Variants in CAPZA2 observed in about 807,000 individuals in gnomAD.
CAPZA2 encodes the protein capping actin protein of muscle Z-line subunit alpha 2.
In CAPZA2, 13 loss-of-function variants were observed where a neutral mutation model predicts 44.0. The observed-to-expected ratio is 0.30, with a 90% confidence interval of 0.19 to 0.47. The LOEUF (loss-of-function observed/expected upper bound fraction) is 0.47, where lower values mean the gene tolerates loss of function less well. Among genes scored for constraint, CAPZA2 ranks in the 20% least tolerant of loss-of-function variants. The pLI is 1.00. For missense variants in CAPZA2, 244 were observed against 338.6 expected, an observed-to-expected ratio of 0.72 and a Z score of 2.19; for synonymous variants, 94 against 108.2, an observed-to-expected ratio of 0.87 and a Z score of 0.81.
At chr7:116,881,437 A>G (rs1333234942) in intron 1 of CAPZA2, among the ~76,000 whole-genome samples, 1 of 152,166 alleles carries the variant, frequency 6.6e-6, no homozygotes, top group Non-Finnish European at 1.5e-5. Flanking sequence ...ATTCTTTTAC[A>G]AAACTACAGT....
At chr7:116,909,292 A>AT (rs1426228592) in intron 6 of CAPZA2, among the ~76,000 whole-genome samples, 1 of 152,168 alleles carries the variant, frequency 6.6e-6, no homozygotes, top group African/African-American at 2.4e-5. Context: ...AAAAGCTAAC[A>AT]TATTAGAATG....
chr7:116,916,165 A>G, intron 9 of CAPZA2, 43 bp downstream of exon 9: 3 of 1,458,458 alleles, frequency 2.1e-6, no homozygotes, highest in Middle Eastern at 3.8e-4. Flanking sequence ...TCACATATGA[A>G]TTAATGTCAC....
intron 1 of CAPZA2, among the ~76,000 whole-genome samples, chr7:116,866,224 C>T (rs1298386951): frequency 1.4e-5 from 2 of 145,876 alleles, no homozygotes; most frequent in African/African-American, 5.1e-5. Context: ...CTCGCTCTTT[C>T]ACCCAGGCGG....
intron 1 of CAPZA2, among the ~76,000 whole-genome samples, chr7:116,878,168 A>T (rs1217169290): frequency 6.6e-6 from 1 of 152,164 alleles, no homozygotes; most frequent in Non-Finnish European, 1.5e-5. Flanking sequence ...AAAGGATAGG[A>T]TCTTTGTCTT....
Position 116,918,443 on chromosome 7 carries a change from A to T in CAPZA2, c.*576A>T, listed in dbSNP as rs1391624675. ...TTTAGCTAGCTTAGTGTTGAACTAA[A>T]TTTTTTTTAAACAAGGCAAGGTCTA... is the stretch of plus-strand genomic sequence containing the variant. On this transcript the variant is annotated 3_prime_UTR_variant, in exon 10 of 10. Transcript: ENST00000361183. 1 of 152,556 alleles carries T rather than the reference A, an allele frequency of 6.6e-6. No homozygotes were observed. Among genetic ancestry groups the T allele is most frequent in the Non-Finnish European group, 1.5e-5 (1 of 68,036 alleles). 9.5% of individuals were successfully genotyped at this position (152,556 alleles called of 1,614,324 possible). A position where few individuals can be genotyped will look rare whatever the true frequency, so the allele number is the denominator to read the frequency against.
chr7:116,893,417 C>G (rs1315644837), intron 3 of CAPZA2, among the ~76,000 whole-genome samples: 1 of 152,188 alleles, frequency 6.6e-6, no homozygotes, highest in Non-Finnish European at 1.5e-5. Flanking sequence ...GCGTGAGCCA[C>G]CACATCCGGC....
At chr7:116,868,945 G>A (rs530279310) in intron 1 of CAPZA2, among the ~76,000 whole-genome samples, 2 of 152,314 alleles carry the variant, frequency 1.3e-5, no homozygotes, top group East Asian at 3.9e-4. Flanking sequence ...TAAATTTGTA[G>A]TAAATTTTCA....
chr7:116,863,630 T>G (rs1369900430), intron 1 of CAPZA2, among the ~76,000 whole-genome samples: 1 of 152,182 alleles, frequency 6.6e-6, no homozygotes, highest in Non-Finnish European at 1.5e-5. Flanking sequence ...GGGAGAACCC[T>G]GCTAATTTTG....
intron 4 of CAPZA2, among the ~76,000 whole-genome samples, chr7:116,901,861 A>G (rs1409359022): frequency 6.7e-6 from 1 of 149,502 alleles, no homozygotes; most frequent in African/African-American, 2.5e-5. Flanking sequence ...AAAAAAAAAC[A>G]TGCTTGAAAT....
intron 1 of CAPZA2, among the ~76,000 whole-genome samples, chr7:116,885,328 T>G (rs1232615397): frequency 6.8e-6 from 1 of 146,150 alleles, no homozygotes; most frequent in African/African-American, 2.5e-5. Context: ...AACACCTATG[T>G]TTTTTTTTTT....
chr7:116,876,580 AT>A (rs1796625547), intron 1 of CAPZA2, among the ~76,000 whole-genome samples: 1 of 152,190 alleles, frequency 6.6e-6, no homozygotes, highest in African/African-American at 2.4e-5. Context: ...CTTAAAACAT[AT>A]TTTTGAGTAT....
chr7:116,869,203 T>G (rs1295880567), intron 1 of CAPZA2, among the ~76,000 whole-genome samples: 1 of 152,212 alleles, frequency 6.6e-6, no homozygotes, highest in African/African-American at 2.4e-5. Context: ...TTCATGCATA[T>G]CAAAGAAAAT....
chr7:116,867,473 A>G (rs942280579), intron 1 of CAPZA2, among the ~76,000 whole-genome samples: 2 of 151,946 alleles, frequency 1.3e-5, no homozygotes, highest in African/African-American at 4.8e-5. Context: ...ATGGCCTTGT[A>G]TTCCATTTTA....
chr7:116,889,262 A>G (rs80181077), intron 2 of CAPZA2, among the ~76,000 whole-genome samples: 8,537 of 152,274 alleles, frequency 0.056, 794 homozygotes, highest in African/African-American at 0.19. Flanking sequence ...ACTTTCAAGT[A>G]CTATCTATAA....
chr7:116,921,749 T>C lies in CAPZA2; in HGVS notation c.*3882T>C, dbSNP rs1791773109. ...GGTGTGCTTAATTAAAATTGAGGTT[T>C]TGAGGAGTTACTAGTAATGACAAAT... On this transcript the variant is annotated 3_prime_UTR_variant, in exon 10 of 10. Coordinates refer to ENST00000361183, the MANE Select transcript of CAPZA2 (RefSeq NM_006136.3). 6.6e-6 allele frequency: 1 copy of C among 152,048 alleles called. No individual in the cohort carries two copies. The highest frequency in any genetic ancestry group is 1.9e-4 in the East Asian group (1 of 5,180). The allele number at this position is 152,048 out of a possible 1,614,324, so 9.4% of individuals were successfully genotyped here. A position where few individuals can be genotyped will look rare whatever the true frequency, so the allele number is the denominator to read the frequency against.
chr7:116,889,593 A>T (rs150234533), intron 2 of CAPZA2, among the ~76,000 whole-genome samples: 1 of 151,998 alleles, frequency 6.6e-6, no homozygotes, highest in African/African-American at 2.4e-5. Context: ...ATATAATGGA[A>T]TCTCACCTCA....
At chr7:116,896,231 G>T (rs1050459802) in intron 3 of CAPZA2, among the ~76,000 whole-genome samples, 10 of 152,056 alleles carry the variant, frequency 6.6e-5, no homozygotes, top group Middle Eastern at 3.4e-3. Context: ...TCTTTAGAGT[G>T]GTTGTAATGG....
At chr7:116,904,575 A>G (rs911646945) in intron 5 of CAPZA2, 192 bp downstream of exon 5, 6 of 531,538 alleles carry the variant, frequency 1.1e-5, no homozygotes, top group Non-Finnish European at 2.0e-5. Context: ...GATGGCTTAA[A>G]ATAGAGAAAT....
intron 3 of CAPZA2, among the ~76,000 whole-genome samples, chr7:116,894,788 A>C (rs1300483617): frequency 6.6e-6 from 1 of 152,190 alleles, no homozygotes; most frequent in Admixed American, 6.5e-5. Flanking sequence ...TACTTAGCCT[A>C]ATATCTTCAA....
Sources: gnomAD v4.1 joint callset for allele counts (sites outside exome capture counted in the v4.1 genomes callset) on GRCh38, gnomAD v4.1.1 for gene constraint, MANE v1.5 for transcripts, NCBI Gene and HGNC (gene_info 2026-07-23, HGNC 2026-07-21) for gene names.